Variants in NRCAM observed in about 807,000 individuals in gnomAD.
NRCAM encodes neuronal cell adhesion molecule, also known as NgCAM-related cell adhesion molecule.
Under a neutral mutation model 156.5 loss-of-function variants are expected in NRCAM, and 83 were observed. That is an observed-to-expected ratio of 0.53 (90% confidence interval 0.44 to 0.64). NRCAM has a LOEUF of 0.64. Ranked by LOEUF, NRCAM falls within the 30% of genes least tolerant of loss-of-function variation. NRCAM has a pLI of 0.00. For missense variants in NRCAM, 1,417 were observed against 1,597.3 expected (o/e 0.89, Z 1.92); for synonymous variants, 538 against 563.9 (o/e 0.95, Z 0.65).
intron 2 of NRCAM, among the ~76,000 whole-genome samples, chr7:108,346,232 C>G (rs530331826): frequency 6.6e-6 from 1 of 152,122 alleles, no homozygotes; most frequent in Non-Finnish European, 1.5e-5. Context: ...CGTTATTTTA[C>G]GGATGACGAA....
At chr7:108,391,139 T>C (rs1224983261) in intron 2 of NRCAM, among the ~76,000 whole-genome samples, 1 of 152,200 alleles carries the variant, frequency 6.6e-6, no homozygotes, top group Non-Finnish European at 1.5e-5. Flanking sequence ...ATTAACTTTC[T>C]GTCTTGTTGA....
At chr7:108,159,276 T>G in intron 32 of NRCAM, 187 bp downstream of exon 32, 1 of 735,014 alleles carries the variant, frequency 1.4e-6, no homozygotes, top group East Asian at 2.5e-5. Flanking sequence ...CAAAATTTAG[T>G]TTTTCAATGA....
At chr7:108,322,934 G>A (rs1387981519) in intron 2 of NRCAM, among the ~76,000 whole-genome samples, 2 of 152,142 alleles carry the variant, frequency 1.3e-5, no homozygotes, top group Non-Finnish European at 2.9e-5. Flanking sequence ...GTGACATTAA[G>A]CAAATTACTT....
At chr7:108,307,326 GCATGCC>G (rs1296525767) in intron 3 of NRCAM, among the ~76,000 whole-genome samples, 2 of 152,214 alleles carry the variant, frequency 1.3e-5, no homozygotes, top group African/African-American at 4.8e-5. Context: ...ATAACGGCTG[GCATGCC>G]CATTGTTTCA....
chr7:108,429,627 C>T (rs1563770414), intron 1 of NRCAM, among the ~76,000 whole-genome samples: 1 of 152,206 alleles, frequency 6.6e-6, no homozygotes, highest in Non-Finnish European at 1.5e-5. Flanking sequence ...TGTTTCCTCA[C>T]ATAGGTAAGT....
rs1188480021 is a variant in NRCAM at position 108,261,650 on chromosome 7, C to T, written c.-106-21480G>A. 2.6e-5 allele frequency among the ~76,000 whole-genome samples: 4 copies of T among 152,294 alleles called. No individual in the cohort carries two copies. In the East Asian group the frequency reaches 7.7e-4, roughly 29 times the overall value. Reference sequence around the variant, plus strand: ...CCCTCGTGTGCACCACTTCAAAGTCCTCTTGGGTTGTTCCTCTTATTTCAG... The same window carrying T: ...CCCTCGTGTGCACCACTTCAAAGTCTTCTTGGGTTGTTCCTCTTATTTCAG... On this transcript the variant is annotated intron_variant, in intron 3 of 32. Coordinates refer to ENST00000379028, the MANE Select transcript of NRCAM (RefSeq NM_001037132.4).
intron 1 of NRCAM, among the ~76,000 whole-genome samples, chr7:108,400,724 G>A (rs964434034): frequency 1.4e-4 from 21 of 151,970 alleles, no homozygotes; most frequent in African/African-American, 4.1e-4. Flanking sequence ...TTCAGGAGGC[G>A]GGAACTCAGA....
At chr7:108,333,961 C>T (rs187658595) in intron 2 of NRCAM, among the ~76,000 whole-genome samples, 10 of 151,868 alleles carry the variant, frequency 6.6e-5, no homozygotes, top group South Asian at 2.1e-4. Context: ...TGTGTGTGTC[C>T]GTAATTTCAA....
chr7:108,265,499 C>G (rs926945614), intron 3 of NRCAM, among the ~76,000 whole-genome samples: 6 of 152,188 alleles, frequency 3.9e-5, no homozygotes, highest in Non-Finnish European at 5.9e-5. Flanking sequence ...AGTTTCACAC[C>G]TGACCTCTAT....
chr7:108,265,376 C>T (rs1199847640), intron 3 of NRCAM, among the ~76,000 whole-genome samples: 1 of 152,192 alleles, frequency 6.6e-6, no homozygotes, highest in Non-Finnish European at 1.5e-5. Flanking sequence ...CAATGTCCCT[C>T]TGTGAGACAT....
rs995806301 is a variant in NRCAM at position 108,408,625 on chromosome 7, T to A, written c.-331-9032A>T. On this transcript the variant is annotated intron_variant, in intron 1 of 32. Coordinates refer to ENST00000379028, the MANE Select transcript of NRCAM (RefSeq NM_001037132.4). The stretch of plus-strand genomic sequence containing the variant: ...TATCCACAATAAAATAGCCAAAGCC[T>A]CTTATTAGGGAAAATTGATATTTAA... Among the ~76,000 whole-genome samples, 3 of 152,220 alleles carry A rather than the reference T, an allele frequency of 2.0e-5. No homozygotes were observed. The South Asian group carries it at 6.2e-4, about 32-fold the overall frequency.
At chr7:108,298,640 G>C (rs377692763) in intron 3 of NRCAM, among the ~76,000 whole-genome samples, 1 of 149,068 alleles carries the variant, frequency 6.7e-6, no homozygotes, top group Non-Finnish European at 1.5e-5. Flanking sequence ...GTAACACAGC[G>C]AGACTCCATC....
intron 1 of NRCAM, among the ~76,000 whole-genome samples, chr7:108,434,577 C>CAA (rs1829822844): frequency 2.0e-5 from 3 of 151,610 alleles, no homozygotes; most frequent in Admixed American, 2.0e-4. Context: ...CACACACACA[C>CAA]ACGACACAAG....
At chr7:108,448,646 T>C (rs1336034300) in intron 1 of NRCAM, among the ~76,000 whole-genome samples, 1 of 152,218 alleles carries the variant, frequency 6.6e-6, no homozygotes, top group Non-Finnish European at 1.5e-5. Flanking sequence ...CTTTTATTAT[T>C]CTAGTGATGC....
intron 3 of NRCAM, among the ~76,000 whole-genome samples, chr7:108,266,882 A>T (rs1269657): frequency 0.84 from 127,244 of 152,234 alleles, 53,267 homozygotes; most frequent in East Asian, 0.99. Flanking sequence ...TGTCAGTAAG[A>T]AGAAAGAGTC....
At chr7:108,423,071 G>T (rs1386872189) in intron 1 of NRCAM, among the ~76,000 whole-genome samples, 3 of 152,084 alleles carry the variant, frequency 2.0e-5, no homozygotes, top group Non-Finnish European at 4.4e-5. Context: ...GAGAAGGGAG[G>T]GGGATATAGT....
rs917967802 is a variant in NRCAM at position 108,176,317 on chromosome 7, T to C, written c.3151+113A>G. ...GAATGAGAAATTACAAATAAGTGTTTGCGTTAATCAGGTAAGACAGACGTT... is the reference window on the plus strand; with the variant it reads ...GAATGAGAAATTACAAATAAGTGTTCGCGTTAATCAGGTAAGACAGACGTT... On this transcript the variant is annotated intron_variant, in intron 27 of 32. Transcript: ENST00000379028. 4.6e-6 allele frequency: 4 copies of C among 866,498 alleles called. No individual in the cohort carries two copies. In the African/African-American group the frequency reaches 6.8e-5, roughly 15 times the overall value. 53.7% of individuals were successfully genotyped at this position (866,498 alleles called of 1,614,324 possible). A position where few individuals can be genotyped will look rare whatever the true frequency, so the allele number is the denominator to read the frequency against.
intron 11 of NRCAM, among the ~76,000 whole-genome samples, chr7:108,218,126 T>A (rs1023472536): frequency 3.0e-4 from 45 of 151,072 alleles, no homozygotes; most frequent in African/African-American, 9.8e-4. Context: ...CGGAATGCAC[T>A]GTTCCTCCTG....
At chr7:108,262,462 T>A (rs1479405716) in intron 3 of NRCAM, among the ~76,000 whole-genome samples, 2 of 152,096 alleles carry the variant, frequency 1.3e-5, no homozygotes, top group African/African-American at 4.8e-5. Flanking sequence ...GGACACAGAT[T>A]TAGAGAGGCC....
Sources: gnomAD v4.1 joint callset for allele counts (sites outside exome capture counted in the v4.1 genomes callset) on GRCh38, gnomAD v4.1.1 for gene constraint, MANE v1.5 for transcripts, NCBI Gene and HGNC (gene_info 2026-07-23, HGNC 2026-07-21) for gene names.